Variants in SCAP observed in about 807,000 individuals in gnomAD.
SCAP encodes SREBF chaperone.
A neutral mutation model predicts 123.6 loss-of-function variants in SCAP; 65 were observed. The ratio of observed to expected loss-of-function variants is 0.53; its 90% CI spans 0.43 to 0.65. The LOEUF is 0.65. SCAP is among the 30% of genes least tolerant of loss of function. SCAP has a pLI of 0.00. For missense variants in SCAP, 1,398 were observed against 1,712.5 expected (o/e 0.82, Z 3.24); for synonymous variants, 740 against 726.3 (o/e 1.02, Z -0.30).
chr3:47,471,548 A>C (rs1421299629), intron 1 of SCAP, among the ~76,000 whole-genome samples: 1 of 152,082 alleles, frequency 6.6e-6, no homozygotes, highest in East Asian at 1.9e-4. Flanking sequence ...TTTTGTATTT[A>C]TAGTGGAGAC....
chr3:47,427,777 T>G, intron 4 of SCAP, 110 bp from the exon 5 acceptor site: 1 of 959,048 alleles, frequency 1.0e-6, no homozygotes, highest in Non-Finnish European at 1.5e-6. Context: ...ATTTGCTCTC[T>G]GGTATCGCCA....
At chr3:47,437,958 T>C (rs1706650748) in intron 2 of SCAP, among the ~76,000 whole-genome samples, 1 of 152,174 alleles carries the variant, frequency 6.6e-6, no homozygotes, top group South Asian at 2.1e-4. Flanking sequence ...TGTACAAATT[T>C]ATGTTCCCAC....
Position 47,416,836 on chromosome 3 carries a change from C to T in SCAP, c.3056+286G>A, listed in dbSNP as rs568302960. ...AGAGACGGGGTTTCACCGTTTTAGC[C>T]GGGATGGTCTCGATCTCCTGACCTC... is the stretch of plus-strand genomic sequence containing the variant. On this transcript the variant is annotated intron_variant, in intron 18 of 22. Coordinates refer to ENST00000265565, the MANE Select transcript of SCAP (RefSeq NM_012235.4). Among the ~76,000 whole-genome samples, 40 of 151,844 alleles carry T rather than the reference C, an allele frequency of 2.6e-4. 1 individual carries two copies. The highest frequency in any genetic ancestry group is 2.0e-3 in the Admixed American group (31 of 15,260).
At chr3:47,432,774 C>T (rs942771713) in intron 3 of SCAP, among the ~76,000 whole-genome samples, 1 of 152,294 alleles carries the variant, frequency 6.6e-6, no homozygotes. Context: ...AACTCCTGGG[C>T]TCAAGCGATC....
At position 47,418,263 on chromosome 3, in the gene SCAP, G is replaced by C. The variant is rs370092118; in HGVS notation, c.2332-14C>G. The C allele has an allele frequency of 2.6e-6, 4 of 1,558,500 alleles. No homozygotes were observed. In the African/African-American group the frequency reaches 5.4e-5, roughly 21 times the overall value. The stretch of plus-strand genomic sequence containing the variant: ...GCACTCGATGTCCTGCAGAAGCCCG[G>C]TGTTGGTATGGGCCAGGCTCCGGCC... On this transcript the variant is annotated splice_polypyrimidine_tract_variant and intron_variant, in intron 15 of 22. Transcript: ENST00000265565.
intron 2 of SCAP, 25 bp downstream of exon 2, chr3:47,442,847 T>C (rs1157973311): frequency 1.2e-6 from 2 of 1,608,882 alleles, no homozygotes; most frequent in African/African-American, 2.7e-5. Context: ...TGGCCCACCA[T>C]ATCCAAGGCA....
chr3:47,430,010 C>G (rs1432194058), intron 3 of SCAP, among the ~76,000 whole-genome samples: 1 of 152,186 alleles, frequency 6.6e-6, no homozygotes, highest in Non-Finnish European at 1.5e-5. Context: ...CTTTTGACAT[C>G]TCTGGATTTC....
At position 47,425,985 on chromosome 3, in the gene SCAP, C is replaced by G. The variant is rs376828857; in HGVS notation, c.910+12G>C. ...TTGGAGAAAGCCCTCAGCCTCCCTG[C>G]CATGAACCTACGCGTGGAGAAGTAG... On this transcript the variant is annotated intron_variant, in intron 7 of 22. Transcript: ENST00000265565. 6.2e-7 allele frequency: 1 copy of G among 1,613,912 alleles called. No homozygotes were observed. The highest frequency in any genetic ancestry group is 1.3e-5 in the African/African-American group (1 of 75,040).
intron 4 of SCAP, 23 bp from the exon 5 acceptor site, chr3:47,427,690 C>A (rs1472723772): frequency 1.2e-6 from 2 of 1,605,030 alleles, no homozygotes; most frequent in Admixed American, 3.4e-5. Flanking sequence ...CAGGACAAGG[C>A]ACCTGCTGTG....
At chr3:47,417,866 A>AGGGGGGTGAGAGGGGGCCCGGGGGG in intron 16 of SCAP, 40 bp from the exon 17 acceptor site, 1 of 397,736 alleles carries the variant, frequency 2.5e-6, no homozygotes, top group Non-Finnish European at 3.9e-6. Flanking sequence ...GGCACGGGGG[A>AGGGGGGTGAGAGGGGGCCCGGGGGG]GGGGGGTGAG....
At chr3:47,427,961 A>G (rs1193868774) in intron 4 of SCAP, among the ~76,000 whole-genome samples, 3 of 152,156 alleles carry the variant, frequency 2.0e-5, no homozygotes, top group Non-Finnish European at 4.4e-5. Flanking sequence ...CACCCTGGCC[A>G]GTTCAGTGGA....
chr3:47,438,510 C>T (rs559120147), intron 2 of SCAP, among the ~76,000 whole-genome samples: 29 of 151,990 alleles, frequency 1.9e-4, no homozygotes, highest in Middle Eastern at 3.4e-3. Context: ...AACTTGCTTT[C>T]ACTTAAAAAA....
intron 1 of SCAP, among the ~76,000 whole-genome samples, chr3:47,473,556 C>T (rs747526376): frequency 2.6e-5 from 4 of 152,098 alleles, no homozygotes; most frequent in Non-Finnish European, 4.4e-5. Flanking sequence ...ATCTGTTCAA[C>T]GGGGGTGATG....
In SCAP at chr3:47,443,043, C is replaced by T. The variant is rs762126071; in HGVS notation, c.-50G>A. Reference sequence around the variant, plus strand: ...CATCCCGGAAAGTGACCATGGATCACCCTGGCACACACTTGACAGCACTGA... The same window carrying T: ...CATCCCGGAAAGTGACCATGGATCATCCTGGCACACACTTGACAGCACTGA... On this transcript the variant is annotated 5_prime_UTR_variant, in exon 2 of 23. The change creates a new upstream start codon in the 5' untranslated region. Coordinates refer to ENST00000265565, the MANE Select transcript of SCAP (RefSeq NM_012235.4). The T allele has an allele frequency of 1.9e-6, 3 of 1,611,080 alleles. No individual in the cohort carries two copies. In the South Asian group the frequency reaches 3.3e-5, roughly 18 times the overall value.
In SCAP at chr3:47,469,444, C is replaced by A. The variant is rs569676196; in HGVS notation, c.-99+6355G>T. Among the ~76,000 whole-genome samples, 71 of 152,296 alleles carry A rather than the reference C, an allele frequency of 4.7e-4. 1 individual carries two copies. The highest frequency in any genetic ancestry group is 1.6e-3 in the African/African-American group (67 of 41,574). Reference sequence around the variant, plus strand: ...TGACACGATCCTGGCTCACTGCAACCTTTACCTCTGGGTCCAAACAATTCT... The same window carrying A: ...TGACACGATCCTGGCTCACTGCAACATTTACCTCTGGGTCCAAACAATTCT... On this transcript the variant is annotated intron_variant, in intron 1 of 22. Coordinates refer to ENST00000265565, the MANE Select transcript of SCAP (RefSeq NM_012235.4).
chr3:47,418,276 C>T (rs1290529927), intron 15 of SCAP, 27 bp from the exon 16 acceptor site: 17 of 1,554,508 alleles, frequency 1.1e-5, no homozygotes, highest in Non-Finnish European at 1.4e-5. Flanking sequence ...TTGGTATGGG[C>T]CAGGCTCCGG....
chr3:47,437,609 G>C (rs1269414968), intron 2 of SCAP, among the ~76,000 whole-genome samples: 1 of 151,640 alleles, frequency 6.6e-6, no homozygotes, highest in Non-Finnish European at 1.5e-5. Flanking sequence ...AGCCAGGCAT[G>C]CTGGTGCACA....
At chr3:47,444,255 TGTGCTAGAGGG>T (rs1022392900) in intron 1 of SCAP, among the ~76,000 whole-genome samples, 6 of 152,204 alleles carry the variant, frequency 3.9e-5, no homozygotes, top group African/African-American at 1.4e-4. Flanking sequence ...TTCTTCGGTC[TGTGCTAGAGGG>T]AACCTGCCCA....
Position 47,451,253 on chromosome 3 carries a change from T to C in SCAP, c.-98-8162A>G, listed in dbSNP as rs1439192680. ...AATTACCACCAAGTAAACAAAGCCA[T>C]GTAACCTAAACACCATTCCATCAAG... is the stretch of plus-strand genomic sequence containing the variant. On this transcript the variant is annotated intron_variant, in intron 1 of 22. Coordinates refer to ENST00000265565, the MANE Select transcript of SCAP (RefSeq NM_012235.4). Among the ~76,000 whole-genome samples, 3 of 123,646 alleles carry C rather than the reference T, an allele frequency of 2.4e-5. 1 individual carries two copies. The highest frequency in any genetic ancestry group is 5.6e-5 in the African/African-American group (2 of 35,996). The allele number at this position is 123,646 out of a possible 152,430, so 81.1% of individuals were successfully genotyped here.
Sources: gnomAD v4.1 joint callset for allele counts (sites outside exome capture counted in the v4.1 genomes callset) on GRCh38, gnomAD v4.1.1 for gene constraint, MANE v1.5 for transcripts, NCBI Gene and HGNC (gene_info 2026-07-23, HGNC 2026-07-21) for gene names.